Variants in SPMIP2 observed in about 807,000 individuals in gnomAD.
The protein encoded by SPMIP2 is sperm microtubule inner protein 2, also known as protein SPMIP2.
At chr4:158,903,762 C>A in the SPMIP2 span, among the ~76,000 whole-genome samples, 1 of 152,076 alleles carries the variant, frequency 6.6e-6, no homozygotes, top group African/African-American at 2.4e-5. Flanking sequence ...TTGAGGAATT[C>A]AAGGGTAAGG....
the SPMIP2 span, among the ~76,000 whole-genome samples, chr4:159,009,097 G>A: frequency 1.3e-5 from 2 of 152,180 alleles, no homozygotes; most frequent in South Asian, 4.1e-4. Context: ...TGATGTCACT[G>A]AATGCAAAGT....
chr4:158,987,190 T>C, the SPMIP2 span, among the ~76,000 whole-genome samples: 2 of 147,332 alleles, frequency 1.4e-5, no homozygotes, highest in East Asian at 4.0e-4. Flanking sequence ...GGTGGGACTG[T>C]AATCTAGTTC....
the SPMIP2 span, among the ~76,000 whole-genome samples, chr4:158,933,215 A>G: frequency 6.6e-6 from 1 of 152,126 alleles, no homozygotes; most frequent in African/African-American, 2.4e-5. Context: ...TGTTGGTCTT[A>G]AACTCCTGAC....
the SPMIP2 span, among the ~76,000 whole-genome samples, chr4:159,080,638 A>G: frequency 5.5e-3 from 840 of 152,298 alleles, 5 homozygotes; most frequent in African/African-American, 0.019. Context: ...GCCCCCCACC[A>G]TCTATTTCTA....
At chr4:158,953,615 T>G in the SPMIP2 span, among the ~76,000 whole-genome samples, 1 of 152,070 alleles carries the variant, frequency 6.6e-6, no homozygotes, top group Admixed American at 6.5e-5. Flanking sequence ...CCCAGAATGG[T>G]AAATCCACTG....
At chr4:158,963,749 A>T in the SPMIP2 span, among the ~76,000 whole-genome samples, 22 of 152,198 alleles carry the variant, frequency 1.4e-4, no homozygotes, top group South Asian at 1.7e-3. Context: ...GATTATTCTC[A>T]GTGGGCCTAA....
chr4:159,034,962 T>C, the SPMIP2 span: 2 of 1,123,382 alleles, frequency 1.8e-6, no homozygotes, highest in Admixed American at 2.1e-5. Flanking sequence ...ATCCATTATA[T>C]AAAAATCATA....
the SPMIP2 span, chr4:159,035,201 C>T: frequency 1.2e-6 from 1 of 850,558 alleles, no homozygotes; most frequent in Non-Finnish European, 1.9e-6. Flanking sequence ...CCTCTCCCTG[C>T]TTGTGACCTG....
At chr4:158,916,079 G>A in the SPMIP2 span, among the ~76,000 whole-genome samples, 5 of 152,184 alleles carry the variant, frequency 3.3e-5, no homozygotes, top group Admixed American at 3.3e-4. Flanking sequence ...GAGTCTGTGG[G>A]TTCCCAAGGT....
chr4:159,049,662 G>A, the SPMIP2 span, among the ~76,000 whole-genome samples: 1 of 151,998 alleles, frequency 6.6e-6, no homozygotes, highest in African/African-American at 2.4e-5. Context: ...TTCAGCTTAG[G>A]ATTTTCCATC....
the SPMIP2 span, among the ~76,000 whole-genome samples, chr4:159,051,651 C>A: frequency 6.6e-6 from 1 of 152,166 alleles, no homozygotes. Flanking sequence ...CTCTTTCATT[C>A]TTTTGTCATT....
At chr4:159,041,049 C>G in the SPMIP2 span, among the ~76,000 whole-genome samples, 2 of 152,206 alleles carry the variant, frequency 1.3e-5, no homozygotes, top group African/African-American at 4.8e-5. Flanking sequence ...CCATTCTTCC[C>G]TGAAAAAACA....
chr4:158,994,083 G>A, the SPMIP2 span, among the ~76,000 whole-genome samples: 1,143 of 152,286 alleles, frequency 7.5e-3, 3 homozygotes, highest in Non-Finnish European at 0.011. Context: ...GATGTAGATG[G>A]TAGCTTCATT....
the SPMIP2 span, among the ~76,000 whole-genome samples, chr4:158,962,344 T>C: frequency 1.3e-5 from 2 of 152,172 alleles, no homozygotes; most frequent in African/African-American, 4.8e-5. Context: ...ATGGTTTTCT[T>C]AGTATATCCA....
At chr4:158,904,512 C>T in the SPMIP2 span, 10 of 1,613,294 alleles carry the variant, frequency 6.2e-6, no homozygotes, top group South Asian at 1.1e-4. Context: ...TGCCAGTACT[C>T]ATTCTCCTTA....
chr4:158,972,945 C>G, the SPMIP2 span: 1 of 640,816 alleles, frequency 1.6e-6, no homozygotes, highest in Non-Finnish European at 2.7e-6. Flanking sequence ...ACACATGTGT[C>G]TTTCTGCAAA....
chr4:158,996,110 T>C, the SPMIP2 span, among the ~76,000 whole-genome samples: 2 of 152,138 alleles, frequency 1.3e-5, no homozygotes, highest in Admixed American at 6.5e-5. Flanking sequence ...ACCAAGCAAA[T>C]GCATAGTAAT....
At chr4:159,068,089 G>C in the SPMIP2 span, among the ~76,000 whole-genome samples, 1 of 152,174 alleles carries the variant, frequency 6.6e-6, no homozygotes, top group Non-Finnish European at 1.5e-5. Context: ...AACCATTGTG[G>C]AAGTCAGTGT....
chr4:158,933,586 C>T, the SPMIP2 span, among the ~76,000 whole-genome samples: 6 of 152,200 alleles, frequency 3.9e-5, no homozygotes, highest in African/African-American at 1.4e-4. Context: ...ATAAAATCAT[C>T]TCTTTTCAGA....
Sources: allele counts gnomAD v4.1 joint callset (sites outside exome capture counted in the v4.1 genomes callset), GRCh38; gene constraint gnomAD v4.1.1; transcripts MANE v1.5; gene names NCBI Gene and HGNC (gene_info 2026-07-23, HGNC 2026-07-21).